AGBL4: variants seen among roughly 807,000 people sequenced by gnomAD.
The protein encoded by AGBL4 is AGBL carboxypeptidase 4, also known as cytosolic carboxypeptidase 6.
AGBL4 carries 58 observed loss-of-function variants against 66.4 expected under a neutral mutation model. The ratio of observed to expected loss-of-function variants is 0.87; its 90% CI spans 0.71 to 1.09. The LOEUF is 1.09. Ranked by LOEUF, AGBL4 falls within the 50% of genes least tolerant of loss-of-function variation. AGBL4 has a pLI of 0.00. For missense variants in AGBL4, 579 were observed against 631.0 expected, an observed-to-expected ratio of 0.92 and a Z score of 0.88; for synonymous variants, 234 against 222.9, an observed-to-expected ratio of 1.05 and a Z score of -0.44.
At chr1:49,271,333 TA>T (rs1008830812) in intron 3 of AGBL4, among the ~76,000 whole-genome samples, 1 of 152,030 alleles carries the variant, frequency 6.6e-6, no homozygotes, top group Non-Finnish European at 1.5e-5. Flanking sequence ...TTCCTTTCTG[TA>T]AACTCTCTTT....
At chr1:48,755,020 T>C (rs1327892475) in intron 6 of AGBL4, among the ~76,000 whole-genome samples, 1 of 152,220 alleles carries the variant, frequency 6.6e-6, no homozygotes, top group East Asian at 1.9e-4. Context: ...GTTGGAATAC[T>C]TCCTGTTAAA....
rs967966520 is a variant in AGBL4, at chr1:48,539,745, G to T, written c.1268-7C>A. 1 of 1,517,474 alleles carries T rather than the reference G, an allele frequency of 6.6e-7. No individual in the cohort carries two copies. Among genetic ancestry groups the T allele is most frequent in the South Asian group, 1.3e-5 (1 of 79,836 alleles). 94.0% of individuals were successfully genotyped at this position (1,517,474 alleles called of 1,614,324 possible). Reference sequence around the variant, plus strand: ...TTCCGCCCCAGCTTCATATCTGCAGGTGTGTGCATTAAGGAGCAACTTCGA... The same window carrying T: ...TTCCGCCCCAGCTTCATATCTGCAGTTGTGTGCATTAAGGAGCAACTTCGA... On this transcript the variant is annotated splice_polypyrimidine_tract_variant and splice_region_variant and intron_variant, in intron 11 of 13. Coordinates refer to ENST00000371839, the MANE Select transcript of AGBL4 (RefSeq NM_032785.4).
intron 6 of AGBL4, among the ~76,000 whole-genome samples, chr1:48,764,245 C>T (rs1246707541): frequency 6.6e-6 from 1 of 152,234 alleles, no homozygotes; most frequent in African/African-American, 2.4e-5. Flanking sequence ...AGACTCCTTA[C>T]TTGCTAGGTG....
intron 3 of AGBL4, among the ~76,000 whole-genome samples, chr1:49,512,183 T>C (rs888354172): frequency 6.6e-6 from 1 of 151,914 alleles, no homozygotes; most frequent in Non-Finnish European, 1.5e-5. Context: ...AAGCTCTATA[T>C]TGAAAATGTC....
intron 3 of AGBL4, among the ~76,000 whole-genome samples, chr1:49,573,101 A>G (rs1048495728): frequency 5.3e-5 from 8 of 151,624 alleles, no homozygotes; most frequent in African/African-American, 1.9e-4. Flanking sequence ...AAGTTAATAT[A>G]TAATAAATTC....
rs1284346503 is a variant in AGBL4, at chr1:49,650,405, G to A, written c.282+46908C>T. On this transcript the variant is annotated intron_variant, in intron 3 of 13. Coordinates refer to ENST00000371839, the MANE Select transcript of AGBL4 (RefSeq NM_032785.4). ...AAACTGCTGACGACTAAATTGCTGG[G>A]GAATGCCTCTGCCCTTGCAACCCTA... Among the ~76,000 whole-genome samples the A allele has an allele frequency of 2.0e-5, 3 of 152,140 alleles. 1 individual carries two copies. Among genetic ancestry groups the A allele is most frequent in the African/African-American group, 4.8e-5 (2 of 41,422 alleles).
chr1:48,768,396 G>C (rs921075086), intron 6 of AGBL4, among the ~76,000 whole-genome samples: 6 of 152,008 alleles, frequency 3.9e-5, no homozygotes, highest in Non-Finnish European at 5.9e-5. Context: ...GAGCTTTCTT[G>C]TAAAAAAAAT....
intron 3 of AGBL4, among the ~76,000 whole-genome samples, chr1:49,677,317 A>C (rs1472773467): frequency 6.6e-6 from 1 of 152,068 alleles, no homozygotes; most frequent in Non-Finnish European, 1.5e-5. Flanking sequence ...TAGGTGTTGA[A>C]TTTTGCCAAT....
chr1:48,558,989 A>G (rs912625677), intron 11 of AGBL4, among the ~76,000 whole-genome samples: 40 of 152,176 alleles, frequency 2.6e-4, no homozygotes, highest in African/African-American at 9.2e-4. Flanking sequence ...CCAAATAAGT[A>G]TATTGCTTCA....
chr1:48,729,470 A>G (rs1647746355), intron 6 of AGBL4, among the ~76,000 whole-genome samples: 1 of 152,176 alleles, frequency 6.6e-6, no homozygotes, highest in Non-Finnish European at 1.5e-5. Context: ...AGGAATTGCT[A>G]TGGAGAACAA....
At chr1:49,936,907 G>A (rs1261067314) in intron 1 of AGBL4, among the ~76,000 whole-genome samples, 5 of 152,120 alleles carry the variant, frequency 3.3e-5, no homozygotes, top group Admixed American at 6.5e-5. Context: ...ACAGACCATC[G>A]AGGCTAGGAA....
chr1:49,867,143 G>C (rs1473171252), intron 1 of AGBL4, among the ~76,000 whole-genome samples: 1 of 152,004 alleles, frequency 6.6e-6, no homozygotes, highest in Non-Finnish European at 1.5e-5. Context: ...CTGTGACCTT[G>C]GGTGTCACAC....
chr1:49,447,645 G>A (rs983915915), intron 3 of AGBL4, among the ~76,000 whole-genome samples: 1 of 152,114 alleles, frequency 6.6e-6, no homozygotes, highest in Non-Finnish European at 1.5e-5. Context: ...CTAGTGTCAG[G>A]GCTTGTCAGG....
At chr1:48,680,444 C>T (rs903181421) in intron 6 of AGBL4, among the ~76,000 whole-genome samples, 4 of 151,728 alleles carry the variant, frequency 2.6e-5, no homozygotes, top group South Asian at 2.1e-4. Flanking sequence ...CAATCCCAGG[C>T]GATCAGAAAA....
At chr1:48,546,184 G>A (rs1349843786) in intron 11 of AGBL4, among the ~76,000 whole-genome samples, 1 of 152,110 alleles carries the variant, frequency 6.6e-6, no homozygotes, top group Non-Finnish European at 1.5e-5. Flanking sequence ...AGTACAATTC[G>A]ACATATATTT....
intron 4 of AGBL4, among the ~76,000 whole-genome samples, chr1:49,134,715 C>T (rs1209231318): frequency 6.6e-6 from 1 of 151,948 alleles, no homozygotes; most frequent in Non-Finnish European, 1.5e-5. Context: ...TGTTCAAACA[C>T]ACATGCTTTA....
chr1:50,019,633 T>C (rs1231308521), intron 1 of AGBL4, among the ~76,000 whole-genome samples: 1 of 152,064 alleles, frequency 6.6e-6, no homozygotes, highest in Non-Finnish European at 1.5e-5. Context: ...CAGAGAGTGA[T>C]AAAGGTACGG....
intron 4 of AGBL4, among the ~76,000 whole-genome samples, chr1:49,168,213 T>C (rs1646668677): frequency 6.6e-6 from 1 of 152,204 alleles, no homozygotes; most frequent in Non-Finnish European, 1.5e-5. Context: ...CCAGGGCTAC[T>C]ATGATCAATC....
At chr1:49,940,502 C>A (rs1654634168) in intron 1 of AGBL4, among the ~76,000 whole-genome samples, 1 of 152,088 alleles carries the variant, frequency 6.6e-6, no homozygotes, top group Admixed American at 6.5e-5. Flanking sequence ...ACATATACAC[C>A]ATGGAATACT....
Sources: allele counts gnomAD v4.1 joint callset (sites outside exome capture counted in the v4.1 genomes callset), GRCh38; gene constraint gnomAD v4.1.1; transcripts MANE v1.5; gene names NCBI Gene and HGNC (gene_info 2026-07-23, HGNC 2026-07-21).